ZNF527: variants seen among roughly 807,000 people sequenced by gnomAD.
ZNF527 encodes zinc finger protein 527.
In ZNF527, 5 loss-of-function variants were observed where a neutral mutation model predicts 13.5. That is an observed-to-expected ratio of 0.37 (90% CI 0.19 to 0.78). The LOEUF is 0.78. Among genes scored for constraint, ZNF527 ranks in the 30% least tolerant of loss-of-function variants. The pLI is 0.48. For synonymous variants in ZNF527, 209 were observed against 243.1 expected (o/e 0.86, Z 1.30); for missense variants, 628 against 726.4 (o/e 0.86, Z 1.56).
In ZNF527 at chr19:37,392,448, G is replaced by A. The variant is rs765186927; in HGVS notation, c.*2569G>A. 1.3e-5 allele frequency: 2 copies of A among 152,012 alleles called. No individual in the cohort carries two copies. Among genetic ancestry groups the A allele is most frequent in the Non-Finnish European group, 2.9e-5 (2 of 68,038 alleles). 9.4% of individuals were successfully genotyped at this position (152,012 alleles called of 1,614,324 possible). ...TCTGTTATCCAGGCTGGAATGCGGT[G>A]ACACAATCATGGCTCACTGCAGCCT... On this transcript the variant is annotated 3_prime_UTR_variant, in exon 5 of 5. Coordinates refer to ENST00000436120, the MANE Select transcript of ZNF527 (RefSeq NM_032453.2).
rs2146831485 is a variant in ZNF527, at chr19:37,392,629, A to T, written c.*2750A>T. The T allele has an allele frequency of 6.6e-6, 1 of 152,168 alleles. No homozygotes were observed. Among genetic ancestry groups the T allele is most frequent in the East Asian group, 1.9e-4 (1 of 5,172 alleles). The allele number at this position is 152,168 out of a possible 1,614,324, so 9.4% of individuals were successfully genotyped here. ...GGTCTCCAACTCTTGGCCTGAAGTG[A>T]TTTGCCCATCTCGGCTTCCCAAAGT... On this transcript the variant is annotated 3_prime_UTR_variant, in exon 5 of 5. Coordinates refer to ENST00000436120, the MANE Select transcript of ZNF527 (RefSeq NM_032453.2).
In ZNF527 at chr19:37,391,678, T is replaced by G. The variant is rs1403699832; in HGVS notation, c.*1799T>G. The G allele has an allele frequency of 3.9e-5, 6 of 152,180 alleles. No homozygotes were observed. The highest frequency in any genetic ancestry group is 2.1e-4 in the South Asian group (1 of 4,836). 9.4% of individuals were successfully genotyped at this position (152,180 alleles called of 1,614,324 possible). On this transcript the variant is annotated 3_prime_UTR_variant, in exon 5 of 5. Coordinates refer to ENST00000436120, the MANE Select transcript of ZNF527 (RefSeq NM_032453.2). ...TAGAGATATCAAACAAAGATATTGC[T>G]GGCAGAAAGAATGAGTCATTTTTAA...
In ZNF527 at chr19:37,380,389, C is replaced by T; in HGVS notation, c.256+17C>T. 1 of 1,607,480 alleles carries T rather than the reference C, an allele frequency of 6.2e-7. No homozygotes were observed. Among genetic ancestry groups the T allele is most frequent in the Non-Finnish European group, 8.5e-7 (1 of 1,174,406 alleles). ...ACTGTGCAGGTGAGTGACAGATCAC[C>T]AGGCAGGGAGGACTATTGTAAGGTA... On this transcript the variant is annotated intron_variant, in intron 4 of 4. Transcript: ENST00000436120.
intron 2 of ZNF527, among the ~76,000 whole-genome samples, chr19:37,375,981 C>A (rs1038288724): frequency 1.3e-5 from 2 of 152,158 alleles, no homozygotes; most frequent in Non-Finnish European, 2.9e-5. Context: ...ATATTCTTGA[C>A]AAGAGCTACT....
intron 4 of ZNF527, among the ~76,000 whole-genome samples, chr19:37,380,822 C>T (rs985317429): frequency 1.3e-5 from 2 of 152,128 alleles, no homozygotes; most frequent in African/African-American, 4.8e-5. Flanking sequence ...TTGTTCCCGG[C>T]TCCCCAGTTT....
intron 1 of ZNF527, among the ~76,000 whole-genome samples, chr19:37,372,724 T>G (rs11671972): frequency 0.32 from 48,171 of 151,744 alleles, 7,935 homozygotes; most frequent in South Asian, 0.4. Flanking sequence ...TTGCCCACCT[T>G]GACCTCCCAA....
At chr19:37,378,034 C>CT (rs111409931) in intron 2 of ZNF527, among the ~76,000 whole-genome samples, 4,274 of 143,770 alleles carry the variant, frequency 0.03, 139 homozygotes, top group African/African-American at 0.079. Flanking sequence ...TATTTCTTTT[C>CT]TTTTTTTTTT....
chr19:37,373,401 A>G (rs1198874752), intron 1 of ZNF527, among the ~76,000 whole-genome samples: 1 of 152,252 alleles, frequency 6.6e-6, no homozygotes, highest in Non-Finnish European at 1.5e-5. Context: ...TTAACATTGT[A>G]TATTTATATT....
rs2040730588 is a variant in ZNF527, at chr19:37,389,349, A to G, written c.1300A>G (p.Arg434Gly). The G allele has an allele frequency of 1.2e-6, 2 of 1,614,218 alleles. No individual in the cohort carries two copies. ...ACGCATAGCCCTTACTCTACATCAA[A>G]GAATTCACACAGGAGAGAAACCCTT... ...SRRIALTLHQ[R>G]IHTGEKPFKC... is the part of the protein sequence containing the mutation. The change falls in exon 5 of 5, where the codon AGA (arginine) becomes GGA (glycine). Residue 434 changes from arginine (R) to glycine (G), a missense_variant. Around this residue, in one of 3 missense-constraint regions of ZNF527, gnomAD observed 592 missense variants for 678.0 expected, o/e 0.87. Coordinates refer to ENST00000436120, the MANE Select transcript of ZNF527 (RefSeq NM_032453.2).
rs1261135028 is a variant in ZNF527, at chr19:37,388,421, C to T, written c.372C>T (p.Ser124=). The T allele has an allele frequency of 6.2e-7, 1 of 1,614,092 alleles. No homozygotes were observed. The highest frequency in any genetic ancestry group is 8.5e-7 in the Non-Finnish European group (1 of 1,180,022). ...ERLASHGLEC[S]SFREAWKYKG... is the part of the protein sequence containing the mutation. ...TAGCAAGTCATGGCCTTGAATGCTC[C>T]AGTTTCAGAGAAGCCTGGAAATATA... The change falls in exon 5 of 5, where the codon TCC becomes TCT. Residue 124 remains serine, a synonymous_variant. Coordinates refer to ENST00000436120, the MANE Select transcript of ZNF527 (RefSeq NM_032453.2).
chr19:37,380,666 A>G (rs1253623335), intron 4 of ZNF527, among the ~76,000 whole-genome samples: 1 of 152,102 alleles, frequency 6.6e-6, no homozygotes, highest in Non-Finnish European at 1.5e-5. Flanking sequence ...TTTTATCAGA[A>G]TTATCAAAGA....
At chr19:37,376,964 T>G (rs2040613790) in intron 2 of ZNF527, among the ~76,000 whole-genome samples, 1 of 152,116 alleles carries the variant, frequency 6.6e-6, no homozygotes, top group Non-Finnish European at 1.5e-5. Flanking sequence ...TTTCTATTTA[T>G]TTTTTTCTTG....
rs953623354 is a variant in ZNF527 at position 37,380,149 on chromosome 19, C to T, written c.161-128C>T. The T allele has an allele frequency of 1.1e-5, 16 of 1,442,328 alleles. No individual in the cohort carries two copies. In the African/African-American group the frequency reaches 2.3e-4, roughly 20 times the overall value. The allele number at this position is 1,442,328 out of a possible 1,614,324, so 89.3% of individuals were successfully genotyped here. ...AGCGTCATTCCATTCTCTAGCTCTT[C>T]CTCTAATGTCCATTCTTGCCTGATG... On this transcript the variant is annotated intron_variant, in intron 3 of 4. Transcript: ENST00000436120.
intron 4 of ZNF527, among the ~76,000 whole-genome samples, chr19:37,382,292 GATAGA>G (rs2040660697): frequency 1.6e-4 from 13 of 79,612 alleles, no homozygotes; most frequent in African/African-American, 6.2e-4. Context: ...TAGGTAGATA[GATAGA>G]TAGATAGATA....
At chr19:37,377,341 C>T (rs898645323) in intron 2 of ZNF527, among the ~76,000 whole-genome samples, 1 of 152,002 alleles carries the variant, frequency 6.6e-6, no homozygotes, top group African/African-American at 2.4e-5. Flanking sequence ...AGTACAGATA[C>T]AGAAGGGTAA....
rs1482614340 is a variant in ZNF527, at chr19:37,389,746, T to A, written c.1697T>A (p.Ile566Asn). The A allele has an allele frequency of 6.2e-7, 1 of 1,613,874 alleles. No individual in the cohort carries two copies. Among genetic ancestry groups the A allele is most frequent in the South Asian group, 1.1e-5 (1 of 91,082 alleles). The change falls in exon 5 of 5, where the codon ATC becomes AAC. Residue 566 changes from isoleucine (I) to asparagine (N), a missense_variant. By Grantham distance (149) the Ile-to-Asn change is moderately radical. This residue lies in a region of ZNF527 where 592 missense variants were observed against 678.0 expected (regional missense o/e 0.87). Transcript: ENST00000436120. ...CSECGKAFHQILSLRLHQRIH... is the reference protein window; with the variant it reads ...CSECGKAFHQNLSLRLHQRIH... ...GAATGTGGGAAGGCTTTTCATCAGA[T>A]CTTGTCCCTAAGACTACACCAGAGA...
intron 2 of ZNF527, among the ~76,000 whole-genome samples, chr19:37,375,343 T>C (rs963581906): frequency 2.7e-5 from 4 of 146,298 alleles, no homozygotes; most frequent in African/African-American, 1.0e-4. Flanking sequence ...TTCTTTCCTT[T>C]CTTTCCTTTC....
In ZNF527 at chr19:37,388,839, C is replaced by T. The variant is rs1254888104; in HGVS notation, c.790C>T (p.His264Tyr). The T allele has an allele frequency of 1.9e-6, 3 of 1,613,990 alleles. No individual in the cohort carries two copies. The Middle Eastern group carries it at 4.9e-4, about 265-fold the overall frequency. Residue 264 changes from histidine to tyrosine, a missense_variant, in exon 5 of 5, where the codon CAT becomes TAT. Physicochemically the swap from His to Tyr is moderately conservative, Grantham distance 83 (BLOSUM62 2). Transcript: ENST00000436120. Reference sequence around the variant, plus strand: ...AAGTTTCCACTCATTATTTACTCAACATCAGACCACTCATTTTGGAAAATT... The same window carrying T: ...AAGTTTCCACTCATTATTTACTCAATATCAGACCACTCATTTTGGAAAATT... ...LLSFHSLFTQHQTTHFGKLPH... is the reference protein window; with the variant it reads ...LLSFHSLFTQYQTTHFGKLPH...
chr19:37,376,558 C>T (rs1458952962), intron 2 of ZNF527, among the ~76,000 whole-genome samples: 2 of 151,696 alleles, frequency 1.3e-5, no homozygotes, highest in Middle Eastern at 3.2e-3. Context: ...CCTGTAATCC[C>T]AGCTACTCAG....
Sources: gnomAD v4.1 joint callset for allele counts (sites outside exome capture counted in the v4.1 genomes callset) on GRCh38, gnomAD v4.1.1 for gene constraint, gnomAD v4.1.1 regional missense constraint, MANE v1.5 for transcripts, NCBI Gene and HGNC (gene_info 2026-07-23, HGNC 2026-07-21) for gene names.